The following TMEM50B variants were observed in gnomAD, a reference collection of about 807,000 sequenced individuals.
TMEM50B encodes transmembrane protein 50B.
In TMEM50B, 14 loss-of-function variants were observed where a neutral mutation model predicts 23.4. That is an observed-to-expected ratio of 0.60 (90% CI 0.39 to 0.93). TMEM50B has a LOEUF of 0.93. Ranked by LOEUF, TMEM50B falls within the 40% of genes least tolerant of loss-of-function variation. The pLI, the probability that TMEM50B is intolerant of heterozygous loss-of-function variation, is 0.00. For missense variants in TMEM50B, 159 were observed against 193.0 expected, an observed-to-expected ratio of 0.82 and a Z score of 1.04; for synonymous variants, 64 against 62.3, an observed-to-expected ratio of 1.03 and a Z score of -0.13.
intron 8 of TMEM50B, among the ~76,000 whole-genome samples, chr21:33,435,093 GT>G (rs1247076040): frequency 5.3e-5 from 8 of 152,194 alleles, no homozygotes; most frequent in African/African-American, 1.7e-4. Flanking sequence ...TTGTCTTCCA[GT>G]ATCTTTCAGC....
At chr21:33,433,919 C>G (rs564255559) in intron 8 of TMEM50B, among the ~76,000 whole-genome samples, 1 of 152,028 alleles carries the variant, frequency 6.6e-6, no homozygotes, top group Non-Finnish European at 1.5e-5. Flanking sequence ...AGTGGCCTGG[C>G]TGGAGGACGT....
rs538660909 is a variant in TMEM50B at position 33,473,875 on chromosome 21, C to T, written c.-41-4949G>A. Among the ~76,000 whole-genome samples the T allele has an allele frequency of 4.6e-5, 7 of 152,268 alleles. No homozygotes were observed. In the South Asian group the frequency reaches 1.4e-3, roughly 32 times the overall value. On this transcript the variant is annotated intron_variant, in intron 1 of 6. Coordinates refer to ENST00000542230, the MANE Select transcript of TMEM50B (RefSeq NM_006134.7). ...GCAACAAAAAGGAAAGAGGTTCCTA[C>T]TGATAGATGCTACATGAACGAACCT...
At chr21:33,446,655 C>CAAAAAAAAAAAA (rs869154931), downstream of TMEM50B, among the ~76,000 whole-genome samples, 35 of 19,184 alleles carry the variant, frequency 1.8e-3, 3 homozygotes, top group African/African-American at 7.3e-3. Context: ...CACACACACA[C>CAAAAAAAAAAAA]AAAAAAAAAA....
At chr21:33,436,724 A>AAAAAAT (rs923330566) in intron 8 of TMEM50B, 6 of 975,420 alleles carry the variant, frequency 6.2e-6, no homozygotes, top group Admixed American at 5.4e-5. Flanking sequence ...CATCTCAAAA[A>AAAAAAT]AAAAATAAAA....
At position 33,450,759 on chromosome 21, in the gene TMEM50B, T is replaced by G. The variant is rs774676142; in HGVS notation, c.*59A>C. 5.5e-6 allele frequency: 8 copies of G among 1,446,234 alleles called. No individual in the cohort carries two copies. Among genetic ancestry groups the G allele is most frequent in the Non-Finnish European group, 7.7e-6 (8 of 1,041,428 alleles). The allele number at this position is 1,446,234 out of a possible 1,614,324, so 89.6% of individuals were successfully genotyped here. On this transcript the variant is annotated 3_prime_UTR_variant, in exon 7 of 7. Coordinates refer to ENST00000542230, the MANE Select transcript of TMEM50B (RefSeq NM_006134.7). ...CCATTTGGCAATGTGTACTGAGAGA[T>G]AAAAAACCTATCTACAAACAGAATA... is the stretch of plus-strand genomic sequence containing the variant.
intron 1 of TMEM50B, among the ~76,000 whole-genome samples, chr21:33,473,982 T>C (rs547430233): frequency 6.6e-6 from 1 of 152,224 alleles, no homozygotes; most frequent in Non-Finnish European, 1.5e-5. Context: ...GGCAAATCTA[T>C]AGACATAAAG....
chr21:33,439,938 T>C (rs1184209271), intron 7 of TMEM50B, among the ~76,000 whole-genome samples: 1 of 151,366 alleles, frequency 6.6e-6, no homozygotes, highest in Non-Finnish European at 1.5e-5. Context: ...CCCAGCTACT[T>C]GGGAAGCTGA....
intron 6 of TMEM50B, among the ~76,000 whole-genome samples, chr21:33,453,009 C>T (rs922218844): frequency 8.5e-5 from 13 of 152,164 alleles, no homozygotes; most frequent in African/African-American, 1.4e-4. Context: ...ATGAAAAAAT[C>T]ATTGGATGGC....
chr21:33,476,537 G>A (rs988979788), intron 1 of TMEM50B, among the ~76,000 whole-genome samples: 36 of 151,966 alleles, frequency 2.4e-4, no homozygotes, highest in African/African-American at 8.7e-4. Flanking sequence ...CGAGGCCAGC[G>A]GATCACGAGG....
intron 1 of TMEM50B, among the ~76,000 whole-genome samples, chr21:33,474,683 G>A (rs1356568561): frequency 3.7e-4 from 50 of 134,984 alleles, no homozygotes; most frequent in African/African-American, 1.3e-3. Flanking sequence ...GCTGAGGCAG[G>A]AGAATCGCTT....
At chr21:33,454,985 T>C (rs924000906) in intron 6 of TMEM50B, among the ~76,000 whole-genome samples, 1 of 151,974 alleles carries the variant, frequency 6.6e-6, no homozygotes, top group African/African-American at 2.4e-5. Context: ...GGTGTGGTGG[T>C]GTGCACCTGT....
At chr21:33,442,597 C>T (rs1326015051) in intron 7 of TMEM50B, among the ~76,000 whole-genome samples, 2 of 152,074 alleles carry the variant, frequency 1.3e-5, no homozygotes, top group East Asian at 3.8e-4. Context: ...GGTTACTTTA[C>T]ATCCATATAC....
chr21:33,441,722 T>A (rs957849488), intron 7 of TMEM50B, among the ~76,000 whole-genome samples: 1 of 152,156 alleles, frequency 6.6e-6, no homozygotes, highest in Non-Finnish European at 1.5e-5. Flanking sequence ...GTCTGCCTCC[T>A]GGATTCAAGA....
At chr21:33,434,646 A>G (rs188142572) in intron 8 of TMEM50B, among the ~76,000 whole-genome samples, 20 of 152,316 alleles carry the variant, frequency 1.3e-4, no homozygotes, top group Admixed American at 1.2e-3. Context: ...CAGAGGTTAG[A>G]TAAGGTCCAA....
At chr21:33,434,376 G>T (rs1200729436) in intron 8 of TMEM50B, among the ~76,000 whole-genome samples, 1 of 152,096 alleles carries the variant, frequency 6.6e-6, no homozygotes. Flanking sequence ...ACAAAAATTA[G>T]CCGGGCGTGG....
downstream of TMEM50B, among the ~76,000 whole-genome samples, chr21:33,444,533 A>T (rs1451342378): frequency 6.6e-6 from 1 of 151,818 alleles, no homozygotes; most frequent in Non-Finnish European, 1.5e-5. Flanking sequence ...TGACAGAGCC[A>T]GACCCTGTCT....
In TMEM50B at chr21:33,450,808, A is replaced by C; in HGVS notation, c.*10T>G. ...TATAACAAAAGGAAAATGTGACTTA[A>C]GAAGTGATCTCAGGTCCATAGCTCT... On this transcript the variant is annotated 3_prime_UTR_variant, in exon 7 of 7. Transcript: ENST00000542230. The C allele has an allele frequency of 6.2e-7, 1 of 1,611,080 alleles. No homozygotes were observed. Among genetic ancestry groups the C allele is most frequent in the Non-Finnish European group, 8.5e-7 (1 of 1,178,410 alleles).
downstream of TMEM50B, among the ~76,000 whole-genome samples, chr21:33,447,670 G>T (rs1053975783): frequency 7.5e-5 from 10 of 133,582 alleles, no homozygotes; most frequent in African/African-American, 2.7e-4. Flanking sequence ...TCAACGTCTT[G>T]TGTATAGAAA....
intron 5 of TMEM50B, among the ~76,000 whole-genome samples, chr21:33,459,503 T>TA (rs980500179): frequency 4.6e-5 from 7 of 151,362 alleles, no homozygotes; most frequent in South Asian, 2.1e-4. Flanking sequence ...CTGTCTCTAC[T>TA]AAAAAAATAC....
Sources: allele counts gnomAD v4.1 joint callset (sites outside exome capture counted in the v4.1 genomes callset), GRCh38; gene constraint gnomAD v4.1.1; transcripts MANE v1.5; gene names NCBI Gene and HGNC (gene_info 2026-07-23, HGNC 2026-07-21).